Variants in TMEM63B observed in about 807,000 individuals in gnomAD.
TMEM63B encodes the protein mechanosensitive cation channel TMEM63B.
TMEM63B carries 23 observed loss-of-function variants against 102.6 expected under a neutral mutation model. The ratio of observed to expected loss-of-function variants is 0.22; its 90% CI spans 0.16 to 0.32. TMEM63B has a LOEUF of 0.32. Among genes scored for constraint, TMEM63B ranks in the 10% least tolerant of loss-of-function variants. TMEM63B has a pLI of 1.00. For missense variants in TMEM63B, 628 were observed against 1,095.9 expected, an observed-to-expected ratio of 0.57 and a Z score of 6.03; for synonymous variants, 444 against 437.0, an observed-to-expected ratio of 1.02 and a Z score of -0.20.
chr6:44,139,834 A>G, intron 8 of TMEM63B, 75 bp downstream of exon 8: 1 of 1,589,700 alleles, frequency 6.3e-7, no homozygotes. Flanking sequence ...CAGGGAGGAA[A>G]GGCAGCTGCG....
intron 6 of TMEM63B, chr6:44,138,739 C>CCCCCCCCCCG: frequency 7.5e-6 from 3 of 400,180 alleles, no homozygotes; most frequent in East Asian, 9.1e-5. Flanking sequence ...CCTGCCGGCC[C>CCCCCCCCCCG]CCCCGCTTCT....
Position 44,148,108 on chromosome 6 carries a change from G to A in TMEM63B, c.988-144G>A, listed in dbSNP as rs1374412137. The A allele has an allele frequency of 3.2e-6, 4 of 1,259,570 alleles. No homozygotes were observed. Among genetic ancestry groups the A allele is most frequent in the East Asian group, 2.4e-5 (1 of 42,186 alleles). 78.0% of individuals were successfully genotyped at this position (1,259,570 alleles called of 1,614,324 possible). On this transcript the variant is annotated intron_variant, in intron 12 of 23. Coordinates refer to ENST00000323267, the MANE Select transcript of TMEM63B (RefSeq NM_018426.3). This position sits in a 1 kb window ranked among gnomAD's most constrained non-coding sequence, Gnocchi z 5.1. ...ACTACACTCCAGCCTGGGCATCAGAGCGAGACGCTGTTTCCAAAAAAAAAA... is the reference window on the plus strand; with the variant it reads ...ACTACACTCCAGCCTGGGCATCAGAACGAGACGCTGTTTCCAAAAAAAAAA...
Position 44,154,829 on chromosome 6 carries a change from C to A in TMEM63B, c.2445C>A (p.Asp815Glu). ...ELLMPPDALT[D>E]TDFQSCEDSL... ...TGATGCCACCCGACGCCCTCACGGACACAGACTTCCAGTCTTGCGAGGACA... is the reference window on the plus strand; with the variant it reads ...TGATGCCACCCGACGCCCTCACGGAAACAGACTTCCAGTCTTGCGAGGACA... The change falls in exon 24 of 24, where the codon GAC becomes GAA. Residue 815 changes from aspartate to glutamate, a missense_variant. Physicochemically the swap from Asp to Glu is conservative, Grantham distance 45. Coordinates refer to ENST00000323267, the MANE Select transcript of TMEM63B (RefSeq NM_018426.3). The A allele has an allele frequency of 6.2e-7, 1 of 1,609,446 alleles. No individual in the cohort carries two copies. Among genetic ancestry groups the A allele is most frequent in the Non-Finnish European group, 8.5e-7 (1 of 1,178,554 alleles).
At position 44,148,397 on chromosome 6, in the gene TMEM63B, A is replaced by T; in HGVS notation, c.1121+12A>T. On this transcript the variant is annotated intron_variant, in intron 13 of 23. Coordinates refer to ENST00000323267, the MANE Select transcript of TMEM63B (RefSeq NM_018426.3). This position sits in a 1 kb window ranked among gnomAD's most constrained non-coding sequence, Gnocchi z 5.1. ...ACTATCACCGCCATGTGAGTCCCCA[A>T]CTCGGCCCTCGGCCCTGAGCAGCCC... is the stretch of plus-strand genomic sequence containing the variant. The T allele has an allele frequency of 1.2e-6, 2 of 1,614,116 alleles. No homozygotes were observed. The highest frequency in any genetic ancestry group is 2.2e-5 in the South Asian group (2 of 91,084).
chr6:44,133,096 G>A (rs1482221211), intron 1 of TMEM63B, among the ~76,000 whole-genome samples: 1 of 152,158 alleles, frequency 6.6e-6, no homozygotes, highest in Non-Finnish European at 1.5e-5. Context: ...TGAGGGCACT[G>A]GACAAATGGT....
At chr6:44,140,439 C>T in intron 9 of TMEM63B, 79 bp downstream of exon 9, 1 of 1,185,496 alleles carries the variant, frequency 8.4e-7, no homozygotes, top group Non-Finnish European at 1.2e-6. Flanking sequence ...TTTGTCTCAG[C>T]CCCAAGAGGT....
chr6:44,147,621 A>G, intron 12 of TMEM63B, 121 bp downstream of exon 12: 1 of 1,399,866 alleles, frequency 7.1e-7, no homozygotes, highest in Non-Finnish European at 9.7e-7. Context: ...CTCAGTTCCC[A>G]CTGTTGGGTT....
chr6:44,129,030 T>C (rs1777786784), intron 1 of TMEM63B, among the ~76,000 whole-genome samples: 1 of 152,230 alleles, frequency 6.6e-6, no homozygotes, highest in African/African-American at 2.4e-5. Context: ...ATTCTAGCTC[T>C]ACTATTCTTC....
rs1322070758 is a variant in TMEM63B at position 44,152,667 on chromosome 6, C to T, written c.1911C>T (p.Tyr637=). Residue 637 remains tyrosine, a synonymous_variant, in exon 20 of 24, where the codon TAC becomes TAT. Transcript: ENST00000323267. The surrounding 1 kb of genome is among the most constrained non-coding windows in gnomAD (Gnocchi z 6.4). The part of the protein sequence containing the change: ...MMCVFTVVMT[Y]SITCPIIVPF... ...GCGTCTTCACGGTGGTCATGACCTA[C>T]AGTATCACCTGCCCCATCATCGTGC... The T allele has an allele frequency of 6.2e-7, 1 of 1,607,944 alleles. No homozygotes were observed. The highest frequency in any genetic ancestry group is 1.1e-5 in the South Asian group (1 of 91,082).
At chr6:44,130,863 C>T (rs1237711111) in intron 1 of TMEM63B, among the ~76,000 whole-genome samples, 1 of 150,836 alleles carries the variant, frequency 6.6e-6, no homozygotes, top group African/African-American at 2.4e-5. Context: ...GGTATCTTCC[C>T]CACTTGGCCT....
At position 44,150,161 on chromosome 6, in the gene TMEM63B, G is replaced by A; in HGVS notation, c.1521-63G>A. On this transcript the variant is annotated intron_variant, in intron 16 of 23. Coordinates refer to ENST00000323267, the MANE Select transcript of TMEM63B (RefSeq NM_018426.3). This position sits in a 1 kb window ranked among gnomAD's most constrained non-coding sequence, Gnocchi z 4.7. ...CACTCCTTGGACATTGTCCTTGTTG[G>A]GGGAGCAAGTCTGGGGCCTGGGCTC... is the stretch of plus-strand genomic sequence containing the variant. 1 of 1,528,466 alleles carries A rather than the reference G, an allele frequency of 6.5e-7. No individual in the cohort carries two copies. The highest frequency in any genetic ancestry group is 9.0e-7 in the Non-Finnish European group (1 of 1,107,882). The allele number at this position is 1,528,466 out of a possible 1,614,324, so 94.7% of individuals were successfully genotyped here.
chr6:44,130,050 G>A (rs1777972574), intron 1 of TMEM63B, among the ~76,000 whole-genome samples: 2 of 152,188 alleles, frequency 1.3e-5, no homozygotes, highest in Admixed American at 6.5e-5. Context: ...ACAAACCCAA[G>A]GCCTGAGTGG....
rs751580304 is a variant in TMEM63B at position 44,141,042 on chromosome 6, C to T, written c.726C>T (p.Leu242=). Residue 242 remains leucine, a synonymous_variant, in exon 10 of 24, where the codon CTC becomes CTT. Coordinates refer to ENST00000323267, the MANE Select transcript of TMEM63B (RefSeq NM_018426.3). ...YKEDDLVKRT[L]FINGISKYAE... is the part of the protein sequence containing the mutation. ...CTGTCACCCAGGTGAAGCGGACCCTCTTCATCAATGGAATCTCCAAATATG... is the reference window on the plus strand; with the variant it reads ...CTGTCACCCAGGTGAAGCGGACCCTTTTCATCAATGGAATCTCCAAATATG... The T allele has an allele frequency of 1.9e-6, 3 of 1,613,954 alleles. No homozygotes were observed. Among genetic ancestry groups the T allele is most frequent in the Admixed American group, 3.3e-5 (2 of 59,982 alleles).
At chr6:44,139,384 G>A in intron 6 of TMEM63B, 83 bp from the exon 7 acceptor site, 1 of 1,550,778 alleles carries the variant, frequency 6.4e-7, no homozygotes, top group Non-Finnish European at 8.8e-7. Flanking sequence ...TTTGGGGTGG[G>A]AGTGGGTGAG....
At chr6:44,134,764 C>T (rs1246237412) in intron 2 of TMEM63B, 21 bp downstream of exon 2, 3 of 1,607,844 alleles carry the variant, frequency 1.9e-6, no homozygotes, top group Non-Finnish European at 2.6e-6. Flanking sequence ...GCTGCCACCC[C>T]TTACCTTGGC....
chr6:44,130,617 T>TG (rs927165294), intron 1 of TMEM63B, among the ~76,000 whole-genome samples: 1 of 151,366 alleles, frequency 6.6e-6, no homozygotes, highest in Non-Finnish European at 1.5e-5. Context: ...ATTTTGGTGG[T>TG]GGGGGGTATC....
At chr6:44,140,507 A>C (rs746980408) in intron 9 of TMEM63B, 147 bp downstream of exon 9, 1 of 708,488 alleles carries the variant, frequency 1.4e-6, no homozygotes, top group African/African-American at 1.7e-5. Flanking sequence ...TGCAAGTTAC[A>C]TAACCTCCCA....
chr6:44,151,714 C>T (rs1341471099), intron 18 of TMEM63B, 132 bp from the exon 19 acceptor site: 4 of 1,061,720 alleles, frequency 3.8e-6, no homozygotes, highest in East Asian at 2.4e-5. Flanking sequence ...GTGCTTGGGG[C>T]GCTAAGCTGG....
chr6:44,135,685 G>A (rs1762798705), intron 4 of TMEM63B, among the ~76,000 whole-genome samples: 6 of 152,316 alleles, frequency 3.9e-5, no homozygotes, highest in Admixed American at 3.3e-4. Flanking sequence ...CAATCACGTA[G>A]AGACAAGATT....
Sources: gnomAD v4.1 joint callset for allele counts (sites outside exome capture counted in the v4.1 genomes callset) on GRCh38, gnomAD v4.1.1 for gene constraint, Gnocchi (gnomAD v3.1) non-coding constraint, MANE v1.5 for transcripts, NCBI Gene and HGNC (gene_info 2026-07-23, HGNC 2026-07-21) for gene names.